TMEM178B: variants seen among roughly 807,000 people sequenced by gnomAD.
The protein encoded by TMEM178B is transmembrane protein 178B.
A neutral mutation model predicts 31.0 loss-of-function variants in TMEM178B; 5 were observed. That is an observed-to-expected ratio of 0.16 (90% confidence interval 0.08 to 0.34). The LOEUF (loss-of-function observed/expected upper bound fraction) is 0.34, where lower values mean the gene tolerates loss of function less well. Ranked by LOEUF, TMEM178B falls within the 10% of genes least tolerant of loss-of-function variation. The pLI, the probability that TMEM178B is intolerant of heterozygous loss-of-function variation, is 1.00. For synonymous variants in TMEM178B, 164 were observed against 164.0 expected (o/e 1.00, Z 0.00); for missense variants, 275 against 400.3 (o/e 0.69, Z 2.67).
chr7:141,386,061 C>T (rs778017601), intron 2 of TMEM178B, among the ~76,000 whole-genome samples: 1 of 152,200 alleles, frequency 6.6e-6, no homozygotes, highest in Non-Finnish European at 1.5e-5. Context: ...AGCATTCATT[C>T]ATCAACTCAA....
At chr7:141,195,980 C>T (rs747398306) in intron 1 of TMEM178B, among the ~76,000 whole-genome samples, 9 of 152,170 alleles carry the variant, frequency 5.9e-5, no homozygotes, top group Non-Finnish European at 1.3e-4. Flanking sequence ...ATTACCTCCC[C>T]CTGGGTCCCT....
intron 1 of TMEM178B, among the ~76,000 whole-genome samples, chr7:141,150,681 G>A (rs1795957995): frequency 6.6e-6 from 1 of 152,244 alleles, no homozygotes; most frequent in Non-Finnish European, 1.5e-5. Context: ...TGGGGCTGAG[G>A]CCATTTTGGG....
At chr7:141,459,416 T>C (rs183605828) in intron 3 of TMEM178B, among the ~76,000 whole-genome samples, 1 of 152,332 alleles carries the variant, frequency 6.6e-6, no homozygotes, top group East Asian at 1.9e-4. Context: ...CTGTGTGGGA[T>C]ACCAAAGGAG....
At chr7:141,272,499 A>G (rs1282813294) in intron 2 of TMEM178B, among the ~76,000 whole-genome samples, 1 of 152,270 alleles carries the variant, frequency 6.6e-6, no homozygotes, top group Non-Finnish European at 1.5e-5. Flanking sequence ...AAATCTACAA[A>G]TAACATTCAG....
At chr7:141,284,394 C>T (rs933063377) in intron 2 of TMEM178B, among the ~76,000 whole-genome samples, 11 of 152,064 alleles carry the variant, frequency 7.2e-5, no homozygotes, top group Non-Finnish European at 1.5e-4. Flanking sequence ...TTTTAAGATT[C>T]AAGGGATGAT....
At chr7:141,428,404 A>G (rs1415984793) in intron 2 of TMEM178B, among the ~76,000 whole-genome samples, 1 of 151,676 alleles carries the variant, frequency 6.6e-6, no homozygotes, top group African/African-American at 2.4e-5. Flanking sequence ...AAAAGGAAAG[A>G]AAAAGAAAAC....
At chr7:141,216,288 T>G (rs547153746) in intron 2 of TMEM178B, among the ~76,000 whole-genome samples, 8 of 152,288 alleles carry the variant, frequency 5.3e-5, no homozygotes, top group Admixed American at 2.6e-4. Context: ...TAAATGCTGG[T>G]GTGTGCGCTC....
chr7:141,107,237 C>T (rs1490808851), intron 1 of TMEM178B, among the ~76,000 whole-genome samples: 5 of 152,136 alleles, frequency 3.3e-5, no homozygotes, highest in Non-Finnish European at 7.4e-5. Flanking sequence ...GATGTGGTCA[C>T]ATAGGGCCAC....
intron 1 of TMEM178B, among the ~76,000 whole-genome samples, chr7:141,082,316 T>G (rs12534512): frequency 6.6e-6 from 1 of 152,210 alleles, no homozygotes; most frequent in Admixed American, 6.5e-5. Flanking sequence ...CCACAGGCTC[T>G]TTCTTTCTGC....
chr7:141,495,714 T>G, the TMEM178B span, among the ~76,000 whole-genome samples: 1 of 152,200 alleles, frequency 6.6e-6, no homozygotes, highest in Admixed American at 6.5e-5. Flanking sequence ...TCTGGTCATA[T>G]AGTGGAATAC....
intron 2 of TMEM178B, among the ~76,000 whole-genome samples, chr7:141,310,355 A>C (rs576616173): frequency 6.6e-6 from 1 of 152,240 alleles, no homozygotes; most frequent in African/African-American, 2.4e-5. Flanking sequence ...GAGAAATGCA[A>C]ATCAAAACTA....
Position 141,475,744 on chromosome 7 carries a change from C to T in TMEM178B, c.*4958C>T, listed in dbSNP as rs1324372524. 6.6e-6 allele frequency: 1 copy of T among 152,050 alleles called. No individual in the cohort carries two copies. Among genetic ancestry groups the T allele is most frequent in the Non-Finnish European group, 1.5e-5 (1 of 68,014 alleles). 9.4% of individuals were successfully genotyped at this position (152,050 alleles called of 1,614,324 possible). A position where few individuals can be genotyped will look rare whatever the true frequency, so the allele number is the denominator to read the frequency against. On this transcript the variant is annotated 3_prime_UTR_variant, in exon 4 of 4. Transcript: ENST00000565468. Reference sequence around the variant, plus strand: ...AGGATGGAGCAGGGCTAAAAGATGTCTCTTTGGGCCTGTCTGCCTGCTTTC... The same window carrying T: ...AGGATGGAGCAGGGCTAAAAGATGTTTCTTTGGGCCTGTCTGCCTGCTTTC...
rs975858669 is a variant in TMEM178B at position 141,292,968 on chromosome 7, C to T, written c.496+80264C>T. On this transcript the variant is annotated intron_variant, in intron 2 of 3. Transcript: ENST00000565468. ...TTCTTTTTATTGAATTCTCTGACTA[C>T]TGCTCTGTGGAAGTGTTGAGCCTGC... Among the ~76,000 whole-genome samples the T allele has an allele frequency of 3.9e-4, 60 of 152,064 alleles. 1 individual carries two copies. The highest frequency in any genetic ancestry group is 1.4e-3 in the African/African-American group (56 of 41,406).
chr7:141,250,724 C>G (rs1797817851), intron 2 of TMEM178B, among the ~76,000 whole-genome samples: 1 of 152,180 alleles, frequency 6.6e-6, no homozygotes, highest in African/African-American at 2.4e-5. Context: ...TCTCTCATCC[C>G]CCCTTCCCAA....
chr7:141,140,507 G>C (rs113743851), intron 1 of TMEM178B, among the ~76,000 whole-genome samples: 7,126 of 152,150 alleles, frequency 0.047, 577 homozygotes, highest in African/African-American at 0.16. Flanking sequence ...ACATTAGTGT[G>C]GTGCATTTCT....
At chr7:141,097,796 T>TC (rs1563086829) in intron 1 of TMEM178B, among the ~76,000 whole-genome samples, 3 of 146,380 alleles carry the variant, frequency 2.0e-5, no homozygotes, top group African/African-American at 5.1e-5. Flanking sequence ...TTTCTTTCTT[T>TC]TTTTTTTTTT....
chr7:141,490,079 C>A, the TMEM178B span, among the ~76,000 whole-genome samples: 1 of 152,208 alleles, frequency 6.6e-6, no homozygotes, highest in Middle Eastern at 3.4e-3. Flanking sequence ...AGGAGGGGCT[C>A]CTAGGAGAGA....
chr7:141,454,805 A>G (rs1378035696), intron 3 of TMEM178B, among the ~76,000 whole-genome samples: 3 of 152,134 alleles, frequency 2.0e-5, no homozygotes, highest in Non-Finnish European at 2.9e-5. Context: ...CAGAGCTGGT[A>G]TATTTCTCCT....
chr7:141,150,113 G>A (rs1795942982), intron 1 of TMEM178B, among the ~76,000 whole-genome samples: 1 of 152,096 alleles, frequency 6.6e-6, no homozygotes, highest in African/African-American at 2.4e-5. Context: ...GCAGATTTGG[G>A]GAGGAAAATC....
Sources: gnomAD v4.1 joint callset for allele counts (sites outside exome capture counted in the v4.1 genomes callset) on GRCh38, gnomAD v4.1.1 for gene constraint, MANE v1.5 for transcripts, NCBI Gene and HGNC (gene_info 2026-07-23, HGNC 2026-07-21) for gene names.